SPTAN1: variants seen among roughly 807,000 people sequenced by gnomAD.
SPTAN1 encodes the protein spectrin alpha chain, non-erythrocytic 1.
Under a neutral mutation model 331.3 loss-of-function variants are expected in SPTAN1, and 61 were observed. That is an observed-to-expected ratio of 0.18 (90% CI 0.15 to 0.23). The LOEUF (loss-of-function observed/expected upper bound fraction) is 0.23, where lower values mean the gene tolerates loss of function less well. SPTAN1 is among the 10% of genes least tolerant of loss of function. The pLI, the probability that SPTAN1 is intolerant of heterozygous loss-of-function variation, is 1.00. For missense variants in SPTAN1, 2,043 were observed against 3,147.9 expected (o/e 0.65, Z 8.40); for synonymous variants, 1,153 against 1,173.9 (o/e 0.98, Z 0.36).
chr9:128,589,112 A>G (rs968919392), intron 21 of SPTAN1, among the ~76,000 whole-genome samples, 169 bp downstream of exon 21: 5 of 152,158 alleles, frequency 3.3e-5, no homozygotes, highest in Admixed American at 2.6e-4. Flanking sequence ...AGTACTGTGT[A>G]TGACCAAGAA....
At position 128,632,893 on chromosome 9, in the gene SPTAN1, A is replaced by G; in HGVS notation, c.7246A>G (p.Ser2416Gly). Reference sequence around the variant, plus strand: ...CGTCAAGTCCAGCGAGGAGATTGAGAGCGCCTTCCGGGCCCTCAGCTCAGA... The same window carrying G: ...CGTCAAGTCCAGCGAGGAGATTGAGGGCGCCTTCCGGGCCCTCAGCTCAGA... ...ENVKSSEEIE[S>G]AFRALSSEGK... The change falls in exon 56 of 57, where the codon AGC becomes GGC. Residue 2416 changes from serine (S) to glycine (G), a missense_variant. Around this residue, in one of 12 missense-constraint regions of SPTAN1, gnomAD observed 88 missense variants for 96.5 expected, o/e 0.91. Transcript: ENST00000372739. 6.2e-7 allele frequency: 1 copy of G among 1,613,906 alleles called. No homozygotes were observed. The highest frequency in any genetic ancestry group is 8.5e-7 in the Non-Finnish European group (1 of 1,180,024).
intron 22 of SPTAN1, among the ~76,000 whole-genome samples, chr9:128,592,690 G>A (rs1853692797): frequency 1.3e-5 from 2 of 152,232 alleles, no homozygotes; most frequent in African/African-American, 2.4e-5. Context: ...AGTCCAGTCT[G>A]TTCCCTGACC....
At chr9:128,613,317 A>G in intron 39 of SPTAN1, 64 bp from the exon 40 acceptor site, 1 of 1,433,198 alleles carries the variant, frequency 7.0e-7, no homozygotes. Flanking sequence ...GGGCAACCTG[A>G]ATTTTCCAGA....
intron 43 of SPTAN1, 84 bp downstream of exon 43, chr9:128,618,192 G>T (rs1231764141): frequency 4.4e-6 from 7 of 1,587,200 alleles, no homozygotes; most frequent in Non-Finnish European, 6.0e-6. Flanking sequence ...GGGTCCAGTG[G>T]GCCCTCCTAC....
Position 128,628,119 on chromosome 9 carries a change from A to C in SPTAN1, c.6707+177A>C, listed in dbSNP as rs773260096. ...GAGTGTGTGCCTTGCCCCATAGCCC[A>C]TGGTCCCTGGTCCCCGATAGAGCCT... On this transcript the variant is annotated intron_variant, in intron 51 of 56. Transcript: ENST00000372739. The C allele has an allele frequency of 3.5e-6, 3 of 857,988 alleles. No individual in the cohort carries two copies. The South Asian group carries it at 4.0e-5, about 11-fold the overall frequency. 53.1% of individuals were successfully genotyped at this position (857,988 alleles called of 1,614,324 possible).
At position 128,608,014 on chromosome 9, in the gene SPTAN1, C is replaced by G; in HGVS notation, c.4309C>G (p.Arg1437Gly). The G allele has an allele frequency of 6.2e-7, 1 of 1,614,074 alleles. No homozygotes were observed. Among genetic ancestry groups the G allele is most frequent in the Non-Finnish European group, 8.5e-7 (1 of 1,180,020 alleles). The change falls in exon 33 of 57, where the codon CGC (arginine) becomes GGC (glycine). Residue 1437 changes from arginine (R) to glycine (G), a missense_variant. Physicochemically the swap from Arg to Gly is moderately radical, Grantham distance 125. Around this residue, in one of 12 missense-constraint regions of SPTAN1, gnomAD observed 179 missense variants for 215.7 expected, o/e 0.83. Transcript: ENST00000372739. ...RADLEKAWVQRRMMLDQCLEL... is the reference protein window; with the variant it reads ...RADLEKAWVQGRMMLDQCLEL... ...AGACCTGGAGAAGGCCTGGGTTCAG[C>G]GCAGGATGATGCTGGATCAGTGCCT...
rs527280059 is a variant in SPTAN1 at position 128,588,207 on chromosome 9, G to A, written c.2871+509G>A. Among the ~76,000 whole-genome samples the A allele has an allele frequency of 1.9e-3, 289 of 151,466 alleles. 1 individual carries two copies. Among genetic ancestry groups the A allele is most frequent in the Admixed American group, 3.8e-3 (58 of 15,156 alleles). ...GAGATGGGGTTTCACTATGTTGGCC[G>A]GGCTGGTCTTGAATTCCTGACCTCA... On this transcript the variant is annotated intron_variant, in intron 20 of 56. Coordinates refer to ENST00000372739, the MANE Select transcript of SPTAN1 (RefSeq NM_001130438.3).
At chr9:128,594,486 A>AGT (rs1469075172) in intron 24 of SPTAN1, 113 bp downstream of exon 24, 7 of 1,061,608 alleles carry the variant, frequency 6.6e-6, no homozygotes, top group Non-Finnish European at 8.0e-6. Flanking sequence ...GCTGGAGTGC[A>AGT]GTGGTATGAC....
At chr9:128,598,328 G>T in intron 24 of SPTAN1, 72 bp from the exon 25 acceptor site, 1 of 1,131,184 alleles carries the variant, frequency 8.8e-7, no homozygotes. Context: ...TCAAGCCATA[G>T]TTTGTGACTA....
intron 1 of SPTAN1, among the ~76,000 whole-genome samples, chr9:128,561,521 G>C (rs1287860263): frequency 1.6e-4 from 24 of 150,976 alleles, no homozygotes; most frequent in East Asian, 7.8e-4. Flanking sequence ...AAATTAGCCG[G>C]GCGAGGTGGT....
intron 12 of SPTAN1, 75 bp from the exon 13 acceptor site, chr9:128,582,401 TCAG>T: frequency 8.0e-7 from 1 of 1,243,174 alleles, no homozygotes; most frequent in Non-Finnish European, 1.2e-6. Flanking sequence ...TATGATCTGT[TCAG>T]CAGTTACTTT....
At chr9:128,568,375 A>C (rs1170719751) in intron 2 of SPTAN1, among the ~76,000 whole-genome samples, 1 of 152,152 alleles carries the variant, frequency 6.6e-6, no homozygotes, top group Non-Finnish European at 1.5e-5. Flanking sequence ...ATATGGATGG[A>C]TTTTTCAAGA....
chr9:128,632,454 A>C lies in SPTAN1; in HGVS notation c.6983A>C (p.Glu2328Ala), dbSNP rs1320654578. Residue 2328 changes from glutamate to alanine, a missense_variant, in exon 54 of 57, where the codon GAG becomes GCG. Physicochemically the swap from Glu to Ala is moderately radical, Grantham distance 107. This residue lies in a region of SPTAN1 where 58 missense variants were observed against 74.0 expected (regional missense o/e 0.78). Transcript: ENST00000372739. ...QARNTTGVTEEALKEFSMMFK... is the reference protein window; with the variant it reads ...QARNTTGVTEAALKEFSMMFK... ...AGGAACACAACAGGTGTGACTGAGG[A>C]GGCCCTCAAAGAATTCAGCATGATG... 1 of 1,614,160 alleles carries C rather than the reference A, an allele frequency of 6.2e-7. No homozygotes were observed. Among genetic ancestry groups the C allele is most frequent in the Admixed American group, 1.7e-5 (1 of 60,018 alleles).
At position 128,606,387 on chromosome 9, in the gene SPTAN1, A is replaced by AAAAAAAC. The variant is rs1272398864; in HGVS notation, c.4046+915_4046+916insACAAAAA. ...AAGACTCTGCCTCAAAAAAAAAAAA[A>AAAAAAAC]AAAAACAAGTCTCTACTTTCCTATC... On this transcript the variant is annotated intron_variant, in intron 31 of 56. Transcript: ENST00000372739. 6.0e-5 allele frequency among the ~76,000 whole-genome samples: 9 copies of AAAAAAAC among 150,810 alleles called. 1 individual carries two copies. The East Asian group carries it at 1.7e-3, about 29-fold the overall frequency.
chr9:128,582,765 T>C lies in SPTAN1; in HGVS notation c.1722T>C (p.His574=). The C allele has an allele frequency of 1.2e-6, 2 of 1,614,110 alleles. No homozygotes were observed. The highest frequency in any genetic ancestry group is 2.7e-5 in the African/African-American group (2 of 75,052). Residue 574 remains histidine (H), a synonymous_variant, in exon 14 of 57, where the codon CAT becomes CAC. Coordinates refer to ENST00000372739, the MANE Select transcript of SPTAN1 (RefSeq NM_001130438.3). ...GGGCCCAGCTAGCCGATTCTTTCCA[T>C]CTGCAGCAGTTTTTCCGTGATTCTG... ...RRRAQLADSF[H]LQQFFRDSDE...
Position 128,579,686 on chromosome 9 carries a change from G to T in SPTAN1, c.1271G>T (p.Gly424Val), listed in dbSNP as rs2131061695. ...EDSFKSADES[G>V]QALLAAGHYA... is the part of the protein sequence containing the mutation. ...AGCTTCAAATCTGCAGATGAATCTG[G>T]ACAGGCACTGCTTGCTGCTGGTCAC... The change falls in exon 10 of 57, where the codon GGA becomes GTA. Residue 424 changes from glycine (G) to valine (V), a missense_variant. Gly to Val is a moderately radical substitution (Grantham distance 109). Coordinates refer to ENST00000372739, the MANE Select transcript of SPTAN1 (RefSeq NM_001130438.3). 1.9e-6 allele frequency: 3 copies of T among 1,614,090 alleles called. No homozygotes were observed. Among genetic ancestry groups the T allele is most frequent in the Non-Finnish European group, 2.5e-6 (3 of 1,179,994 alleles).
At chr9:128,555,629 T>TCC (rs2132646697) in intron 1 of SPTAN1, among the ~76,000 whole-genome samples, 1 of 151,396 alleles carries the variant, frequency 6.6e-6, no homozygotes, top group African/African-American at 2.4e-5. Flanking sequence ...CCTTTTTTTT[T>TCC]TTTTTTTTTT....
intron 3 of SPTAN1, among the ~76,000 whole-genome samples, chr9:128,572,731 G>A (rs1447490965): frequency 6.6e-6 from 1 of 152,174 alleles, no homozygotes; most frequent in East Asian, 1.9e-4. Flanking sequence ...CTGTGTCCTG[G>A]ATAACCTGTC....
At chr9:128,563,276 T>C (rs989772952) in intron 1 of SPTAN1, among the ~76,000 whole-genome samples, 1 of 151,674 alleles carries the variant, frequency 6.6e-6, no homozygotes, top group African/African-American at 2.4e-5. Flanking sequence ...ATTATCCAGG[T>C]GTGCTGGCAC....
Sources: gnomAD v4.1 joint callset for allele counts (sites outside exome capture counted in the v4.1 genomes callset) on GRCh38, gnomAD v4.1.1 for gene constraint, gnomAD v4.1.1 regional missense constraint, MANE v1.5 for transcripts, NCBI Gene and HGNC (gene_info 2026-07-23, HGNC 2026-07-21) for gene names.